MEMO1: variants seen among roughly 807,000 people sequenced by gnomAD.
MEMO1 encodes the protein protein MEMO1.
Under a neutral mutation model 45.2 loss-of-function variants are expected in MEMO1, and 6 were observed. The observed-to-expected ratio is 0.13, with a 90% CI of 0.07 to 0.26. MEMO1 has a LOEUF of 0.26. Among genes scored for constraint, MEMO1 ranks in the 10% least tolerant of loss-of-function variants. The probability of loss-of-function intolerance (pLI) is 1.00; values close to 1 mark genes in which losing one functional copy is unlikely to be tolerated. For missense variants in MEMO1, 184 were observed against 370.5 expected, an observed-to-expected ratio of 0.50 and a Z score of 4.13; for synonymous variants, 78 against 124.3, an observed-to-expected ratio of 0.63 and a Z score of 2.48.
intron 4 of MEMO1, among the ~76,000 whole-genome samples, chr2:31,921,247 G>C (rs1434088436): frequency 1.3e-5 from 2 of 152,118 alleles, no homozygotes; most frequent in African/African-American, 2.4e-5. Flanking sequence ...ATGTCAGAAG[G>C]GGCCCAACCC....
intron 2 of MEMO1, among the ~76,000 whole-genome samples, chr2:31,990,457 T>G (rs2148542625): frequency 6.6e-6 from 1 of 152,144 alleles, no homozygotes; most frequent in Non-Finnish European, 1.5e-5. Flanking sequence ...TGTTTTTGGT[T>G]TTTTCTTTTT....
At chr2:31,881,330 A>T (rs1675327479) in intron 8 of MEMO1, among the ~76,000 whole-genome samples, 1 of 151,604 alleles carries the variant, frequency 6.6e-6, no homozygotes, top group African/African-American at 2.4e-5. Flanking sequence ...TCTCTACAAA[A>T]AACTACAAAA....
intron 6 of MEMO1, among the ~76,000 whole-genome samples, chr2:31,894,936 T>G (rs574005472): frequency 6.6e-6 from 1 of 152,138 alleles, no homozygotes; most frequent in Non-Finnish European, 1.5e-5. Flanking sequence ...TGGCTCAAGG[T>G]GTTTAGGTAC....
At chr2:32,009,725 G>A (rs992542701) in intron 2 of MEMO1, among the ~76,000 whole-genome samples, 2 of 152,144 alleles carry the variant, frequency 1.3e-5, no homozygotes, top group African/African-American at 2.4e-5. Context: ...AGGGTCCCTG[G>A]CTCGGCAAGA....
intron 6 of MEMO1, among the ~76,000 whole-genome samples, chr2:31,915,031 C>G (rs528461274): frequency 3.3e-5 from 5 of 150,678 alleles, no homozygotes; most frequent in East Asian, 2.0e-4. Context: ...CTTTGGGAGG[C>G]TGAGGTGGGA....
intron 2 of MEMO1, among the ~76,000 whole-genome samples, chr2:32,005,672 C>T (rs1002410619): frequency 1.3e-5 from 2 of 152,118 alleles, no homozygotes; most frequent in African/African-American, 4.8e-5. Flanking sequence ...ATCAGCCCCA[C>T]CGCTCTTCAG....
At chr2:31,887,449 G>A (rs1287846458) in intron 7 of MEMO1, among the ~76,000 whole-genome samples, 3 of 151,996 alleles carry the variant, frequency 2.0e-5, no homozygotes, top group African/African-American at 7.2e-5. Context: ...TAATCACATC[G>A]TTTATATGCT....
chr2:31,920,110 A>G (rs1043151346), intron 5 of MEMO1, among the ~76,000 whole-genome samples: 2 of 151,936 alleles, frequency 1.3e-5, no homozygotes, highest in African/African-American at 4.8e-5. Context: ...TGTTAAGTAC[A>G]TCAGTTAATT....
At chr2:31,997,277 G>C (rs982818198) in intron 2 of MEMO1, among the ~76,000 whole-genome samples, 2 of 152,086 alleles carry the variant, frequency 1.3e-5, no homozygotes, top group Admixed American at 1.3e-4. Context: ...AATGTAATAA[G>C]AAATCGTCAA....
chr2:31,930,314 C>G (rs570366382), intron 4 of MEMO1, among the ~76,000 whole-genome samples: 13 of 152,248 alleles, frequency 8.5e-5, no homozygotes, highest in African/African-American at 2.9e-4. Flanking sequence ...CATCAGCCAT[C>G]ATTTGCCTCT....
intron 2 of MEMO1, among the ~76,000 whole-genome samples, chr2:31,983,437 T>G (rs957649307): frequency 8.6e-5 from 13 of 151,818 alleles, no homozygotes; most frequent in African/African-American, 2.9e-4. Flanking sequence ...TAGTTTTTTG[T>G]TTTTTTTGTT....
intron 2 of MEMO1, among the ~76,000 whole-genome samples, chr2:32,003,967 C>CTTGAGACCAGGAAT (rs1181344812): frequency 2.6e-5 from 4 of 152,220 alleles, no homozygotes; most frequent in African/African-American, 7.2e-5. Context: ...AGGAGAATAG[C>CTTGAGACCAGGAAT]TTGAGACCAG....
chr2:31,869,900 T>C lies in MEMO1; in HGVS notation c.710A>G (p.Lys237Arg). Residue 237 changes from lysine (K) to arginine (R), a missense_variant, in exon 9 of 10, where the codon AAG (lysine) becomes AGG (arginine). This residue lies in a region of MEMO1 where 97 missense variants were observed against 209.3 expected (regional missense o/e 0.46). Coordinates refer to ENST00000404530, the MANE Select transcript of MEMO1 (RefSeq NM_001301833.4). Reference protein sequence around the residue: ...LDPVSFSNYLKKYHNTICGRH... With the variant: ...LDPVSFSNYLRKYHNTICGRH... ...TCCACATATAGTATTATGGTATTTC[T>C]TCAAGTAATTGCTAAAAGATACAGG... The C allele has an allele frequency of 6.3e-7, 1 of 1,589,458 alleles. No homozygotes were observed. The highest frequency in any genetic ancestry group is 8.5e-7 in the Non-Finnish European group (1 of 1,171,534).
At chr2:32,002,240 T>C (rs1051158800) in intron 2 of MEMO1, among the ~76,000 whole-genome samples, 36 of 144,300 alleles carry the variant, frequency 2.5e-4, no homozygotes, top group African/African-American at 7.9e-4. Context: ...TATATATACA[T>C]ATACATATAT....
intron 2 of MEMO1, among the ~76,000 whole-genome samples, chr2:31,983,579 C>T (rs1020502362): frequency 6.6e-6 from 1 of 152,108 alleles, no homozygotes; most frequent in East Asian, 1.9e-4. Flanking sequence ...GGATTACAGG[C>T]ATGCACCACC....
intron 1 of MEMO1, among the ~76,000 whole-genome samples, chr2:32,010,739 G>GCCGC (rs1409935021): frequency 6.7e-6 from 1 of 148,888 alleles, no homozygotes; most frequent in Non-Finnish European, 1.5e-5. Context: ...CTCCAGCCCG[G>GCCGC]CCGCCCGCCG....
chr2:31,993,949 C>CT (rs397800267), intron 2 of MEMO1, among the ~76,000 whole-genome samples: 1,044 of 73,652 alleles, frequency 0.014, 155 homozygotes, highest in Middle Eastern at 0.019. Flanking sequence ...TCAATACTTT[C>CT]TTTTTTTTTT....
chr2:31,969,071 G>A (rs1668966634), intron 2 of MEMO1, among the ~76,000 whole-genome samples: 2 of 151,506 alleles, frequency 1.3e-5, no homozygotes, highest in Admixed American at 1.3e-4. Context: ...AAATGATATG[G>A]ACAAACCAAT....
intron 9 of MEMO1, among the ~76,000 whole-genome samples, chr2:31,869,458 T>C (rs555594940): frequency 1.5e-3 from 231 of 152,214 alleles, no homozygotes; most frequent in Non-Finnish European, 2.5e-3. Flanking sequence ...ATTATGAACA[T>C]TTAAAGTTTA....
Sources: gnomAD v4.1 joint callset for allele counts (sites outside exome capture counted in the v4.1 genomes callset) on GRCh38, gnomAD v4.1.1 for gene constraint, gnomAD v4.1.1 regional missense constraint, MANE v1.5 for transcripts, NCBI Gene and HGNC (gene_info 2026-07-23, HGNC 2026-07-21) for gene names.